The following HS6ST3 variants were observed in gnomAD, a reference collection of about 807,000 sequenced individuals.
The protein encoded by HS6ST3 is heparan sulfate 6-O-sulfotransferase 3, also known as heparan-sulfate 6-O-sulfotransferase 3.
A neutral mutation model predicts 36.7 loss-of-function variants in HS6ST3; 12 were observed. The ratio of observed to expected loss-of-function variants is 0.33; its 90% confidence interval spans 0.21 to 0.53. The LOEUF (loss-of-function observed/expected upper bound fraction) is 0.53. Ranked by LOEUF, HS6ST3 falls within the 20% of genes least tolerant of loss-of-function variation. HS6ST3 has a pLI of 0.95. For missense variants in HS6ST3, 584 were observed against 640.9 expected (o/e 0.91, Z 0.96); for synonymous variants, 240 against 257.5 (o/e 0.93, Z 0.65).
At chr13:96,724,211 G>C (rs1436064739) in intron 1 of HS6ST3, among the ~76,000 whole-genome samples, 6 of 152,002 alleles carry the variant, frequency 3.9e-5, no homozygotes, top group Non-Finnish European at 8.8e-5. Context: ...GTATTGTATG[G>C]GTACGCTAAA....
intron 1 of HS6ST3, among the ~76,000 whole-genome samples, chr13:96,376,134 T>A (rs886199136): frequency 4.6e-5 from 7 of 151,824 alleles, no homozygotes; most frequent in Admixed American, 3.9e-4. Flanking sequence ...GCAGATGGAG[T>A]TAAAAAGGGT....
intron 1 of HS6ST3, among the ~76,000 whole-genome samples, chr13:96,262,690 C>A (rs1422841699): frequency 2.0e-5 from 3 of 152,098 alleles, no homozygotes; most frequent in Non-Finnish European, 4.4e-5. Context: ...ATGCATCAAC[C>A]AGAGAGCTGG....
chr13:96,821,101 T>C (rs1340639446), intron 1 of HS6ST3, among the ~76,000 whole-genome samples: 1 of 152,258 alleles, frequency 6.6e-6, no homozygotes, highest in African/African-American at 2.4e-5. Context: ...AGTGTAAATT[T>C]GTTACAGCTT....
intron 1 of HS6ST3, among the ~76,000 whole-genome samples, chr13:96,498,379 T>C (rs1354009954): frequency 6.6e-6 from 1 of 152,166 alleles, no homozygotes; most frequent in Non-Finnish European, 1.5e-5. Flanking sequence ...TCTTCTTCCA[T>C]AAAGCGTGTC....
At chr13:96,681,416 C>T (rs1429523533) in intron 1 of HS6ST3, among the ~76,000 whole-genome samples, 1 of 152,016 alleles carries the variant, frequency 6.6e-6, no homozygotes, top group Non-Finnish European at 1.5e-5. Context: ...TTTTCATTCC[C>T]ACTGTAAACC....
At chr13:96,681,728 C>T (rs947922805) in intron 1 of HS6ST3, among the ~76,000 whole-genome samples, 1 of 152,110 alleles carries the variant, frequency 6.6e-6, no homozygotes, top group African/African-American at 2.4e-5. Flanking sequence ...TCTTCCATTA[C>T]TCCCACCTCC....
chr13:96,292,210 A>ATGTGTG (rs4001473), intron 1 of HS6ST3, among the ~76,000 whole-genome samples: 5 of 149,872 alleles, frequency 3.3e-5, no homozygotes, highest in African/African-American at 4.9e-5. Flanking sequence ...TTTAGAGTAA[A>ATGTGTG]TGTGTGTGTG....
At chr13:96,454,059 C>T (rs952060338) in intron 1 of HS6ST3, among the ~76,000 whole-genome samples, 1 of 152,150 alleles carries the variant, frequency 6.6e-6, no homozygotes, top group South Asian at 2.1e-4. Flanking sequence ...CCCTCCACCA[C>T]TCCCCCACCC....
chr13:96,144,241 A>G (rs2054045586), intron 1 of HS6ST3, among the ~76,000 whole-genome samples: 1 of 152,206 alleles, frequency 6.6e-6, no homozygotes, highest in Non-Finnish European at 1.5e-5. Context: ...TGAGTGTTTT[A>G]TAGTTTACTA....
chr13:96,302,191 T>C (rs2054886870), intron 1 of HS6ST3, among the ~76,000 whole-genome samples: 1 of 151,958 alleles, frequency 6.6e-6, no homozygotes, highest in African/African-American at 2.4e-5. Context: ...ATTCTAAAAC[T>C]CTATTTGACT....
intron 1 of HS6ST3, among the ~76,000 whole-genome samples, chr13:96,350,618 T>C (rs2055176989): frequency 6.6e-6 from 1 of 152,194 alleles, no homozygotes; most frequent in Non-Finnish European, 1.5e-5. Context: ...TAGACATAGA[T>C]AAGGAAAAAA....
intron 1 of HS6ST3, among the ~76,000 whole-genome samples, chr13:96,099,921 G>A (rs775858169): frequency 1.3e-5 from 2 of 152,126 alleles, no homozygotes; most frequent in African/African-American, 2.4e-5. Context: ...GAGCAAACAC[G>A]GTTTGAAAGA....
chr13:96,766,902 A>G (rs1413923947), intron 1 of HS6ST3, among the ~76,000 whole-genome samples: 3 of 152,212 alleles, frequency 2.0e-5, no homozygotes, highest in Non-Finnish European at 4.4e-5. Flanking sequence ...ATTAACAAAC[A>G]GGCTCATTCT....
chr13:96,106,692 A>C (rs1402006740), intron 1 of HS6ST3, among the ~76,000 whole-genome samples: 1 of 152,194 alleles, frequency 6.6e-6, no homozygotes, highest in South Asian at 2.1e-4. Flanking sequence ...CAGATACAGG[A>C]TGGTTGGTGG....
chr13:96,269,120 CATT>C (rs2054707125), intron 1 of HS6ST3, among the ~76,000 whole-genome samples: 1 of 151,932 alleles, frequency 6.6e-6, no homozygotes, highest in Non-Finnish European at 1.5e-5. Flanking sequence ...GCTCAGAACT[CATT>C]GAGTGGTAGT....
At chr13:96,465,068 T>C (rs1218761320) in intron 1 of HS6ST3, among the ~76,000 whole-genome samples, 2 of 151,670 alleles carry the variant, frequency 1.3e-5, no homozygotes, top group East Asian at 3.9e-4. Context: ...GTAGGCATAC[T>C]CACCATGTGG....
intron 1 of HS6ST3, among the ~76,000 whole-genome samples, chr13:96,131,129 C>G (rs1311934371): frequency 6.6e-6 from 1 of 152,218 alleles, no homozygotes; most frequent in African/African-American, 2.4e-5. Context: ...TCCATTAAAA[C>G]TGCCTTGAAA....
intron 1 of HS6ST3, among the ~76,000 whole-genome samples, chr13:96,799,975 T>TAC (rs1878014977): frequency 1.1e-5 from 1 of 90,010 alleles, no homozygotes; most frequent in Non-Finnish European, 2.1e-5. Flanking sequence ...TGTATATATA[T>TAC]ATATATGTAT....
chr13:96,338,756 G>A (rs957675640), intron 1 of HS6ST3, among the ~76,000 whole-genome samples: 2 of 151,990 alleles, frequency 1.3e-5, no homozygotes, highest in Admixed American at 6.6e-5. Context: ...TCTCTTTATA[G>A]TTGTAGGGCT....
Sources: allele counts gnomAD v4.1 joint callset (sites outside exome capture counted in the v4.1 genomes callset), GRCh38; gene constraint gnomAD v4.1.1; transcripts MANE v1.5; gene names NCBI Gene and HGNC (gene_info 2026-07-23, HGNC 2026-07-21).